The following CNOT6 variants were observed in gnomAD, a reference collection of about 807,000 sequenced individuals.
CNOT6 encodes the protein carbon catabolite repression 4 protein.
CNOT6 carries 12 observed loss-of-function variants against 61.2 expected under a neutral mutation model. The observed-to-expected ratio is 0.20, with a 90% CI of 0.13 to 0.32. CNOT6 has a LOEUF of 0.32. Among genes scored for constraint, CNOT6 ranks in the 10% least tolerant of loss-of-function variants. The probability of loss-of-function intolerance (pLI) is 1.00; values close to 1 mark genes in which losing one functional copy is unlikely to be tolerated. For synonymous variants in CNOT6, 225 were observed against 240.6 expected (o/e 0.94, Z 0.60); for missense variants, 405 against 663.9 (o/e 0.61, Z 4.28).
At chr5:180,567,777 G>A in intron 8 of CNOT6, 72 bp from the exon 9 acceptor site, 3 of 1,603,360 alleles carry the variant, frequency 1.9e-6, no homozygotes, top group Non-Finnish European at 2.6e-6. Context: ...TGGGAAAACT[G>A]CGTTTCCCAC....
At chr5:180,551,005 A>G (rs1759568644) in intron 3 of CNOT6, among the ~76,000 whole-genome samples, 1 of 150,228 alleles carries the variant, frequency 6.7e-6, no homozygotes, top group East Asian at 1.9e-4. Flanking sequence ...GATAATGGGT[A>G]AAAAAACACT....
At chr5:180,495,823 C>G (rs965279230) in intron 1 of CNOT6, 2 of 152,220 alleles carry the variant, frequency 1.3e-5, no homozygotes, top group African/African-American at 4.8e-5. Context: ...GATTAGTAGG[C>G]TGTAGGAGTG....
chr5:180,498,598 G>T (rs1756722038), intron 1 of CNOT6, among the ~76,000 whole-genome samples: 1 of 152,168 alleles, frequency 6.6e-6, no homozygotes, highest in Non-Finnish European at 1.5e-5. Context: ...CTGCAAAGGT[G>T]TGTCTGGTCT....
intron 1 of CNOT6, among the ~76,000 whole-genome samples, chr5:180,499,799 C>T (rs1001133534): frequency 6.6e-6 from 1 of 152,212 alleles, no homozygotes; most frequent in Non-Finnish European, 1.5e-5. Context: ...AGAAAGGTTG[C>T]TGCTGGTGAG....
At chr5:180,513,956 C>T (rs913519274) in intron 1 of CNOT6, among the ~76,000 whole-genome samples, 1 of 152,104 alleles carries the variant, frequency 6.6e-6, no homozygotes, top group South Asian at 2.1e-4. Context: ...CCCTCCTCGG[C>T]CTCCCAAAGT....
At chr5:180,502,402 A>T (rs1756905193) in intron 1 of CNOT6, among the ~76,000 whole-genome samples, 1 of 152,214 alleles carries the variant, frequency 6.6e-6, no homozygotes, top group African/African-American at 2.4e-5. Context: ...GGTAGAGATT[A>T]TCTGATGTAA....
At chr5:180,516,000 TC>T (rs1395689529) in intron 1 of CNOT6, among the ~76,000 whole-genome samples, 4 of 152,066 alleles carry the variant, frequency 2.6e-5, no homozygotes, top group African/African-American at 9.7e-5. Context: ...AACTTCCACT[TC>T]CTGGTCTCAA....
intron 3 of CNOT6, among the ~76,000 whole-genome samples, chr5:180,552,769 T>C (rs1289516828): frequency 6.6e-6 from 1 of 152,216 alleles, no homozygotes; most frequent in Non-Finnish European, 1.5e-5. Context: ...TCCTTTGATA[T>C]TTATATCATG....
rs919783293 is a variant in CNOT6, at chr5:180,577,093, A to C, written c.*2893A>C. 2 of 152,528 alleles carry C rather than the reference A, an allele frequency of 1.3e-5. No homozygotes were observed. The highest frequency in any genetic ancestry group is 4.8e-5 in the African/African-American group (2 of 41,406). The allele number at this position is 152,528 out of a possible 1,614,324, so 9.4% of individuals were successfully genotyped here. A position where few individuals can be genotyped will look rare whatever the true frequency, so the allele number is the denominator to read the frequency against. ...GTTAACTTATGGCATAATTTAAGCTAAAGTTGTAGAAATGAATTGTTGAGT... is the reference window on the plus strand; with the variant it reads ...GTTAACTTATGGCATAATTTAAGCTCAAGTTGTAGAAATGAATTGTTGAGT... On this transcript the variant is annotated 3_prime_UTR_variant, in exon 12 of 12. Coordinates refer to ENST00000261951, the MANE Select transcript of CNOT6 (RefSeq NM_001370472.1).
At chr5:180,571,025 CAT>C (rs1423699730) in intron 10 of CNOT6, among the ~76,000 whole-genome samples, 1 of 152,204 alleles carries the variant, frequency 6.6e-6, no homozygotes, top group Non-Finnish European at 1.5e-5. Flanking sequence ...TGGGAAGACA[CAT>C]GTTCATAAAG....
At chr5:180,565,303 T>C (rs1353900972) in intron 6 of CNOT6, among the ~76,000 whole-genome samples, 1 of 152,260 alleles carries the variant, frequency 6.6e-6, no homozygotes, top group African/African-American at 2.4e-5. Context: ...GTGGAACTAA[T>C]GACTGCTCAT....
At chr5:180,513,699 T>TTTTA (rs70973923) in intron 1 of CNOT6, among the ~76,000 whole-genome samples, 23,879 of 139,500 alleles carry the variant, frequency 0.17, 2,088 homozygotes, top group Non-Finnish European at 0.2. Flanking sequence ...ATTTATTTAT[T>TTTTA]TTTATTTATT....
In CNOT6 at chr5:180,528,398, C is replaced by T. The variant is rs145836460; in HGVS notation, c.-2-877C>T. On this transcript the variant is annotated intron_variant, in intron 1 of 11. Transcript: ENST00000261951. ...CGATCTTGGCTCACTGCAAGCTCCA[C>T]CTCCCGGGTTCACGCCATTCTCCTG... Among the ~76,000 whole-genome samples the T allele has an allele frequency of 7.0e-3, 1,059 of 152,272 alleles. 14 individuals carry two copies. The highest frequency in any genetic ancestry group is 0.024 in the African/African-American group (1,005 of 41,556).
intron 9 of CNOT6, among the ~76,000 whole-genome samples, chr5:180,568,553 A>AATAAATAAATAAATAAAT (rs1760583135): frequency 6.6e-6 from 1 of 150,888 alleles, no homozygotes; most frequent in Non-Finnish European, 1.5e-5. Context: ...CTCCTCAAAA[A>AATAAATAAATAAATAAAT]ATAAATAAAT....
chr5:180,556,697 A>T (rs1759910363), intron 4 of CNOT6, among the ~76,000 whole-genome samples: 1 of 152,240 alleles, frequency 6.6e-6, no homozygotes, highest in Non-Finnish European at 1.5e-5. Context: ...TCACGCCTAT[A>T]ATCCCAGTAC....
intron 2 of CNOT6, among the ~76,000 whole-genome samples, chr5:180,530,561 C>CT (rs70973925): frequency 0.16 from 18,937 of 119,364 alleles, 1,345 homozygotes; most frequent in South Asian, 0.24. Flanking sequence ...CTTCTGATTT[C>CT]TTTTTTTTTT....
intron 1 of CNOT6, among the ~76,000 whole-genome samples, chr5:180,506,971 A>G (rs901263745): frequency 8.5e-5 from 13 of 152,220 alleles, no homozygotes; most frequent in Admixed American, 5.2e-4. Flanking sequence ...AATGAATACA[A>G]CAGTAGACAT....
intron 3 of CNOT6, among the ~76,000 whole-genome samples, chr5:180,552,785 C>T (rs1280235635): frequency 6.6e-6 from 1 of 152,132 alleles, no homozygotes; most frequent in Non-Finnish European, 1.5e-5. Flanking sequence ...TCATGATTAT[C>T]TCTGCAAAAC....
At chr5:180,549,408 T>G (rs543986024) in intron 2 of CNOT6, among the ~76,000 whole-genome samples, 227 of 152,184 alleles carry the variant, frequency 1.5e-3, no homozygotes, top group Admixed American at 4.3e-3. Context: ...CCAGCACTTT[T>G]GGAGGCCAAG....
Sources: allele counts gnomAD v4.1 joint callset (sites outside exome capture counted in the v4.1 genomes callset), GRCh38; gene constraint gnomAD v4.1.1; transcripts MANE v1.5; gene names NCBI Gene and HGNC (gene_info 2026-07-23, HGNC 2026-07-21).